Variants in PI4KA observed in about 807,000 individuals in gnomAD.
The protein encoded by PI4KA is phosphatidylinositol 4-kinase alpha.
In PI4KA, 122 loss-of-function variants were observed where a neutral mutation model predicts 271.4. The observed-to-expected ratio is 0.45, with a 90% confidence interval of 0.39 to 0.52. PI4KA has a LOEUF of 0.52. PI4KA is among the 20% of genes least tolerant of loss of function. PI4KA has a pLI of 0.00. For synonymous variants in PI4KA, 1,041 were observed against 1,078.8 expected, an observed-to-expected ratio of 0.96 and a Z score of 0.69; for missense variants, 1,969 against 2,769.1, an observed-to-expected ratio of 0.71 and a Z score of 6.48.
At position 20,765,192 on chromosome 22, in the gene PI4KA, T is replaced by G; in HGVS notation, c.2482A>C (p.Thr828Pro). The change falls in exon 21 of 55, where the codon ACT becomes CCT. Residue 828 changes from threonine (T) to proline (P), a missense_variant. Physicochemically the swap from Thr to Pro is conservative, Grantham distance 38. Around this residue, in one of 13 missense-constraint regions of PI4KA, gnomAD observed 368 missense variants for 544.3 expected, o/e 0.68. Transcript: ENST00000255882. ...GGAAAGGTGAGCAAGGGGGACTTAGTGGCTATTTCACAGACCCCCTCGTAC... is the reference window on the plus strand; with the variant it reads ...GGAAAGGTGAGCAAGGGGGACTTAGGGGCTATTTCACAGACCCCCTCGTAC... ...EWYEGVCEIA[T>P]KSPLLTFPSK... 1.2e-6 allele frequency: 2 copies of G among 1,613,758 alleles called. No individual in the cohort carries two copies. Among genetic ancestry groups the G allele is most frequent in the Non-Finnish European group, 1.7e-6 (2 of 1,179,742 alleles).
intron 19 of PI4KA, chr22:20,787,551 T>C (rs760202640): frequency 4.7e-6 from 1 of 212,772 alleles, no homozygotes; most frequent in Non-Finnish European, 9.6e-6. Flanking sequence ...TCAAGACATA[T>C]GAGGGGTGCC....
intron 19 of PI4KA, among the ~76,000 whole-genome samples, chr22:20,766,847 G>A (rs2147405989): frequency 6.6e-6 from 1 of 152,272 alleles, no homozygotes; most frequent in Admixed American, 6.5e-5. Context: ...GAGAGAGGTG[G>A]GAGAGATGAA....
In PI4KA at chr22:20,729,648, A is replaced by T; in HGVS notation, c.4472T>A (p.Leu1491Gln). 3 of 1,573,860 alleles carry T rather than the reference A, an allele frequency of 1.9e-6. No homozygotes were observed. The highest frequency in any genetic ancestry group is 2.6e-6 in the Non-Finnish European group (3 of 1,157,918). ...LHKYYMKRRT[L>Q]LLSLLATEIE... Reference sequence around the variant, plus strand: ...GGGCCTTACCAGCAGGGACAGCAGCAGCGTCCTGCGCTTCATGTAGTATTT... The same window carrying T: ...GGGCCTTACCAGCAGGGACAGCAGCTGCGTCCTGCGCTTCATGTAGTATTT... Residue 1491 changes from leucine to glutamine, a missense_variant, in exon 38 of 55, where the codon CTG becomes CAG. Around this residue, in one of 13 missense-constraint regions of PI4KA, gnomAD observed 388 missense variants for 521.5 expected, o/e 0.74. Transcript: ENST00000255882.
intron 10 of PI4KA, 83 bp downstream of exon 10, chr22:20,807,279 C>A: frequency 1.2e-6 from 1 of 814,722 alleles, no homozygotes; most frequent in Non-Finnish European, 2.1e-6. Flanking sequence ...AAAGTGAGTA[C>A]CAGTCTGCAA....
chr22:20,755,258 G>A (rs1931154585), intron 23 of PI4KA, among the ~76,000 whole-genome samples: 1 of 152,068 alleles, frequency 6.6e-6, no homozygotes, highest in African/African-American at 2.4e-5. Context: ...TTGGCCACTC[G>A]GAGCTCTTTC....
chr22:20,764,735 G>T, intron 22 of PI4KA, 82 bp downstream of exon 22: 2 of 1,404,436 alleles, frequency 1.4e-6, no homozygotes, highest in South Asian at 1.5e-5. Flanking sequence ...GTTGAAAAAA[G>T]TCTCATGCTT....
intron 14 of PI4KA, among the ~76,000 whole-genome samples, chr22:20,801,602 G>A (rs1472148529): frequency 6.6e-6 from 1 of 150,694 alleles, no homozygotes; most frequent in Non-Finnish European, 1.5e-5. Context: ...TGTATAAATG[G>A]GGTGGGTGCA....
At position 20,796,375 on chromosome 22, in the gene PI4KA, G is replaced by A. The variant is rs1934987890; in HGVS notation, c.2109-61C>T. 25 of 1,528,944 alleles carry A rather than the reference G, an allele frequency of 1.6e-5. No homozygotes were observed. In the Admixed American group the frequency reaches 1.7e-4, roughly 10 times the overall value. The allele number at this position is 1,528,944 out of a possible 1,614,324, so 94.7% of individuals were successfully genotyped here. A position where few individuals can be genotyped will look rare whatever the true frequency, so the allele number is the denominator to read the frequency against. On this transcript the variant is annotated intron_variant, in intron 17 of 54. Transcript: ENST00000255882. ...GGCCCTCAACCGTCCCCAAGGGACGGCACTGCAGGGGTGAGGCGAGCTGAG... is the reference window on the plus strand; with the variant it reads ...GGCCCTCAACCGTCCCCAAGGGACGACACTGCAGGGGTGAGGCGAGCTGAG...
chr22:20,756,396 T>C (rs1931309079), intron 23 of PI4KA, among the ~76,000 whole-genome samples: 1 of 152,004 alleles, frequency 6.6e-6, no homozygotes, highest in African/African-American at 2.4e-5. Context: ...AATTTTGTAT[T>C]TTCAGTAGAG....
At chr22:20,821,926 G>A (rs1922744879) in intron 4 of PI4KA, among the ~76,000 whole-genome samples, 1 of 152,166 alleles carries the variant, frequency 6.6e-6, no homozygotes, top group Non-Finnish European at 1.5e-5. Flanking sequence ...TGAAGCGGGT[G>A]GATCAGTTGA....
Position 20,729,511 on chromosome 22 carries a change from C to A in PI4KA, c.4489-5G>T. On this transcript the variant is annotated splice_polypyrimidine_tract_variant and splice_region_variant and intron_variant, in intron 38 of 54. Coordinates refer to ENST00000255882, the MANE Select transcript of PI4KA (RefSeq NM_058004.4). Reference sequence around the variant, plus strand: ...GAGACGCTCGATCTCAGTGGCCTGGCAAGATAAGACATAAGGCCTGATATG... The same window carrying A: ...GAGACGCTCGATCTCAGTGGCCTGGAAAGATAAGACATAAGGCCTGATATG... The A allele has an allele frequency of 6.3e-7, 1 of 1,578,192 alleles. No homozygotes were observed. Among genetic ancestry groups the A allele is most frequent in the Admixed American group, 1.8e-5 (1 of 54,570 alleles).
intron 51 of PI4KA, 57 bp from the exon 52 acceptor site, chr22:20,710,915 A>T (rs440440): frequency 6.7e-7 from 1 of 1,486,618 alleles, no homozygotes; most frequent in Admixed American, 1.8e-5. Flanking sequence ...GGGCAAGGAC[A>T]AGTGGTCTGT....
At chr22:20,713,794 C>T (rs1925642861) in intron 47 of PI4KA, among the ~76,000 whole-genome samples, 1 of 152,194 alleles carries the variant, frequency 6.6e-6, no homozygotes, top group Non-Finnish European at 1.5e-5. Flanking sequence ...GGGGTGGCAG[C>T]CCCCTCTCCA....
chr22:20,793,073 T>G, intron 19 of PI4KA, 120 bp downstream of exon 19: 1 of 701,184 alleles, frequency 1.4e-6, no homozygotes, highest in South Asian at 1.5e-5. Flanking sequence ...CAGTCACATC[T>G]AGAGGCATAG....
At chr22:20,845,538 T>A (rs1926118876) in intron 1 of PI4KA, among the ~76,000 whole-genome samples, 1 of 152,236 alleles carries the variant, frequency 6.6e-6, no homozygotes, top group Non-Finnish European at 1.5e-5. Flanking sequence ...CTTTCTCAAA[T>A]GTACCATCCC....
intron 14 of PI4KA, among the ~76,000 whole-genome samples, chr22:20,800,441 C>A (rs189628975): frequency 2.0e-5 from 3 of 152,126 alleles, no homozygotes; most frequent in African/African-American, 7.2e-5. Context: ...ATTTTAAAAC[C>A]TCACATTTAT....
intron 7 of PI4KA, among the ~76,000 whole-genome samples, chr22:20,815,546 T>G (rs1051657357): frequency 5.9e-5 from 9 of 152,198 alleles, no homozygotes; most frequent in African/African-American, 1.9e-4. Context: ...AAGAGTTTAG[T>G]TTAGCTCCAG....
intron 20 of PI4KA, 60 bp from the exon 21 acceptor site, chr22:20,765,296 T>G: frequency 6.6e-7 from 1 of 1,503,782 alleles, no homozygotes; most frequent in Non-Finnish European, 9.0e-7. Context: ...TGCAGTGAGG[T>G]TGACTGACAA....
chr22:20,717,997 G>T, intron 44 of PI4KA, among the ~76,000 whole-genome samples: 1 of 152,152 alleles, frequency 6.6e-6, no homozygotes. Flanking sequence ...GGCAGGCTCT[G>T]CCCCTGCTGT....
Sources: gnomAD v4.1 joint callset for allele counts (sites outside exome capture counted in the v4.1 genomes callset) on GRCh38, gnomAD v4.1.1 for gene constraint, gnomAD v4.1.1 regional missense constraint, MANE v1.5 for transcripts, NCBI Gene and HGNC (gene_info 2026-07-23, HGNC 2026-07-21) for gene names.